Variants in APBB2 observed in about 807,000 individuals in gnomAD.
APBB2 encodes Fe65-like 1.
Under a neutral mutation model 82.5 loss-of-function variants are expected in APBB2, and 38 were observed. The observed-to-expected ratio is 0.46, with a 90% CI of 0.36 to 0.60. APBB2 has a LOEUF of 0.60. Ranked by LOEUF, APBB2 falls within the 20% of genes least tolerant of loss-of-function variation. The pLI is 0.00. For synonymous variants in APBB2, 341 were observed against 368.2 expected, an observed-to-expected ratio of 0.93 and a Z score of 0.85; for missense variants, 772 against 972.3, an observed-to-expected ratio of 0.79 and a Z score of 2.74.
At chr4:41,114,243 T>C (rs1280875671) in intron 2 of APBB2, among the ~76,000 whole-genome samples, 2 of 152,200 alleles carry the variant, frequency 1.3e-5, no homozygotes, top group African/African-American at 4.8e-5. Flanking sequence ...TCTCAATAGA[T>C]GCAGAAAAGG....
intron 10 of APBB2, among the ~76,000 whole-genome samples, chr4:40,904,898 G>A (rs1365689947): frequency 6.6e-6 from 1 of 152,024 alleles, no homozygotes; most frequent in African/African-American, 2.4e-5. Context: ...GTCCCCATGA[G>A]CGCTCCAGCT....
chr4:40,916,852 G>A (rs1313586162), intron 10 of APBB2, among the ~76,000 whole-genome samples: 1 of 152,192 alleles, frequency 6.6e-6, no homozygotes, highest in Non-Finnish European at 1.5e-5. Context: ...AGATGGTGAC[G>A]GGGCAGAAGT....
chr4:40,921,208 T>C (rs1276981608), intron 10 of APBB2, among the ~76,000 whole-genome samples: 16 of 152,236 alleles, frequency 1.1e-4, no homozygotes, highest in Non-Finnish European at 2.9e-5. Flanking sequence ...CCATACATGC[T>C]AAATGCTCTA....
At chr4:40,864,566 T>A (rs78085593) in intron 12 of APBB2, among the ~76,000 whole-genome samples, 17,055 of 152,204 alleles carry the variant, frequency 0.11, 1,068 homozygotes, top group African/African-American at 0.16. Flanking sequence ...ATAATAAATG[T>A]GTATAACAAG....
intron 1 of APBB2, chr4:41,207,739 C>T (rs886678486): frequency 6.6e-5 from 10 of 152,278 alleles, no homozygotes; most frequent in African/African-American, 1.4e-4. Flanking sequence ...GCCCCATCAG[C>T]TGACCCACAA....
At chr4:41,096,778 A>T (rs1388290728) in intron 3 of APBB2, among the ~76,000 whole-genome samples, 1 of 152,268 alleles carries the variant, frequency 6.6e-6, no homozygotes, top group Non-Finnish European at 1.5e-5. Flanking sequence ...GTCATTGAAC[A>T]TCTTGTCTAA....
intron 4 of APBB2, among the ~76,000 whole-genome samples, chr4:41,048,581 C>A (rs1249845082): frequency 1.3e-5 from 2 of 152,006 alleles, no homozygotes; most frequent in South Asian, 2.1e-4. Flanking sequence ...TTGTTTTAAA[C>A]CTCTCTGAAC....
intron 6 of APBB2, among the ~76,000 whole-genome samples, chr4:40,989,876 G>A (rs1801539633): frequency 6.6e-6 from 1 of 152,166 alleles, no homozygotes; most frequent in South Asian, 2.1e-4. Context: ...TGGGTATTCA[G>A]GAAAAGCAAC....
intron 4 of APBB2, among the ~76,000 whole-genome samples, chr4:41,050,913 C>G (rs199642121): frequency 6.6e-6 from 1 of 151,706 alleles, no homozygotes; most frequent in Non-Finnish European, 1.5e-5. Flanking sequence ...GAAGACATAC[C>G]TGGCCAGGGT....
chr4:40,837,458 T>C (rs536400704), intron 12 of APBB2, among the ~76,000 whole-genome samples: 1 of 152,344 alleles, frequency 6.6e-6, no homozygotes, highest in Admixed American at 6.5e-5. Context: ...GGCTTCAGCA[T>C]CTCGTCTGTA....
Position 40,846,326 on chromosome 4 carries a change from CAAAAAAAAA to C in APBB2, c.1530-15758_1530-15750del, listed in dbSNP as rs3086182. On this transcript the variant is annotated intron_variant, in intron 12 of 17. Transcript: ENST00000508593. The stretch of plus-strand genomic sequence containing the variant: ...TCAAGGCCCTCGGATGAAAACACTC[CAAAAAAAAA>C]AAAAAAAAAAAAAGTGCACAGACTC... Among the ~76,000 whole-genome samples the C allele has an allele frequency of 6.4e-5, 4 of 62,516 alleles. No homozygotes were observed. The East Asian group carries it at 2.0e-3, about 32-fold the overall frequency. 41.0% of individuals were successfully genotyped at this position (62,516 alleles called of 152,430 possible).
Position 40,968,869 on chromosome 4 carries a change from A to G in APBB2, c.836-23796T>C, listed in dbSNP as rs145983256. ...GAATTGTAGCTCTCATAATTCCCAC[A>G]TGTTCTGGGAGGGACCTGGTGGGAG... On this transcript the variant is annotated intron_variant, in intron 6 of 17. Coordinates refer to ENST00000508593, the MANE Select transcript of APBB2 (RefSeq NM_004307.2). Among the ~76,000 whole-genome samples, 507 of 152,084 alleles carry G rather than the reference A, an allele frequency of 3.3e-3. 3 individuals are homozygous for G. The highest frequency in any genetic ancestry group is 0.011 in the African/African-American group (474 of 41,472).
rs55995119 is a variant in APBB2 at position 40,946,232 on chromosome 4, C to CAAAAAAAAAAAAA, written c.836-1172_836-1160dup. Reference sequence around the variant, plus strand: ...GGGCGACAGAGTGAGACTCTATCTCCAAAAAAAAAAAAAAAAAAAAAACAT... The same window carrying CAAAAAAAAAAAAA: ...GGGCGACAGAGTGAGACTCTATCTCCAAAAAAAAAAAAAAAAAAAAAAAAAAAAAAAAAAACAT... On this transcript the variant is annotated intron_variant, in intron 6 of 17. Coordinates refer to ENST00000508593, the MANE Select transcript of APBB2 (RefSeq NM_004307.2). Among the ~76,000 whole-genome samples the CAAAAAAAAAAAAA allele has an allele frequency of 2.5e-5, 2 of 78,724 alleles. 1 individual carries two copies. 51.6% of individuals were successfully genotyped at this position (78,724 alleles called of 152,430 possible). A position where few individuals can be genotyped will look rare whatever the true frequency, so the allele number is the denominator to read the frequency against.
chr4:40,866,867 G>A (rs1327403946), intron 12 of APBB2, among the ~76,000 whole-genome samples: 3 of 152,054 alleles, frequency 2.0e-5, no homozygotes, highest in South Asian at 2.1e-4. Context: ...ACAGGTGTGC[G>A]CCACCATGCC....
chr4:40,884,253 T>C (rs529451013), intron 12 of APBB2, among the ~76,000 whole-genome samples: 1 of 152,346 alleles, frequency 6.6e-6, no homozygotes, highest in Non-Finnish European at 1.5e-5. Flanking sequence ...TTCAGTTTCC[T>C]AACCTCTAAA....
chr4:41,108,838 G>A (rs577025724), intron 2 of APBB2, among the ~76,000 whole-genome samples: 1 of 152,154 alleles, frequency 6.6e-6, no homozygotes, highest in South Asian at 2.1e-4. Context: ...CTCTTTTCTT[G>A]GTCTATCCAG....
At chr4:40,996,445 C>G (rs544851195) in intron 6 of APBB2, among the ~76,000 whole-genome samples, 1 of 152,320 alleles carries the variant, frequency 6.6e-6, no homozygotes, top group Admixed American at 6.5e-5. Context: ...GAGTCCCAGA[C>G]AGGGTGCAGA....
At chr4:41,108,151 CA>C (rs201796790) in intron 2 of APBB2, among the ~76,000 whole-genome samples, 1 of 151,780 alleles carries the variant, frequency 6.6e-6, no homozygotes, top group Non-Finnish European at 1.5e-5. Context: ...GACACAGACA[CA>C]AAAAAACAGA....
At chr4:40,937,526 T>G (rs1175957831) in intron 7 of APBB2, among the ~76,000 whole-genome samples, 6 of 152,210 alleles carry the variant, frequency 3.9e-5, no homozygotes, top group African/African-American at 1.2e-4. Context: ...AATCACCTTT[T>G]ACAGATTTAA....
Sources: allele counts gnomAD v4.1 joint callset (sites outside exome capture counted in the v4.1 genomes callset), GRCh38; gene constraint gnomAD v4.1.1; transcripts MANE v1.5; gene names NCBI Gene and HGNC (gene_info 2026-07-23, HGNC 2026-07-21).